The following CCNH variants were observed in gnomAD, a reference collection of about 807,000 sequenced individuals.
The protein encoded by CCNH is cyclin H.
CCNH carries 31 observed loss-of-function variants against 41.9 expected under a neutral mutation model. The ratio of observed to expected loss-of-function variants is 0.74; its 90% CI spans 0.56 to 1.00. The LOEUF is 1.00. Among genes scored for constraint, CCNH ranks in the 50% least tolerant of loss-of-function variants. CCNH has a pLI of 0.00. For synonymous variants in CCNH, 138 were observed against 136.1 expected (o/e 1.01, Z -0.10); for missense variants, 362 against 388.4 (o/e 0.93, Z 0.57).
the CCNH span, among the ~76,000 whole-genome samples, chr5:87,312,912 T>G: frequency 6.6e-6 from 1 of 152,242 alleles, no homozygotes; most frequent in Non-Finnish European, 1.5e-5. Context: ...AATACTTGGT[T>G]CAGGTGTTTA....
chr5:87,408,354 T>C (rs903089802), intron 3 of CCNH, among the ~76,000 whole-genome samples, 168 bp from the exon 4 acceptor site: 4 of 152,246 alleles, frequency 2.6e-5, no homozygotes, highest in African/African-American at 4.8e-5. Context: ...TAAAAGACAC[T>C]TCCTGTTCAC....
intron 8 of CCNH, 83 bp from the exon 9 acceptor site, chr5:87,394,567 T>A (rs12163935): frequency 6.3e-7 from 1 of 1,590,168 alleles, no homozygotes; most frequent in South Asian, 1.2e-5. Context: ...TAAGAAAATG[T>A]TCTCCTCCTT....
chr5:87,312,050 C>G, the CCNH span, among the ~76,000 whole-genome samples: 3 of 152,162 alleles, frequency 2.0e-5, no homozygotes, highest in Non-Finnish European at 4.4e-5. Context: ...GTGTTAATAT[C>G]TGGAAGATCT....
At chr5:87,407,251 T>C (rs1001898500) in intron 4 of CCNH, among the ~76,000 whole-genome samples, 4 of 152,190 alleles carry the variant, frequency 2.6e-5, no homozygotes, top group South Asian at 4.1e-4. Flanking sequence ...CTCTGTATCA[T>C]TGAGCACACT....
At chr5:87,391,651 C>T (rs1762528148), downstream of CCNH, 1 of 232,970 alleles carries the variant, frequency 4.3e-6, no homozygotes, top group Admixed American at 5.6e-5. Context: ...GCATGTTACC[C>T]ATTCAACCAT....
chr5:87,406,800 C>T (rs931778345), intron 4 of CCNH, among the ~76,000 whole-genome samples: 6 of 152,080 alleles, frequency 3.9e-5, no homozygotes, highest in Non-Finnish European at 8.8e-5. Flanking sequence ...TTAACGGTAC[C>T]CTGTTATTGA....
In CCNH at chr5:87,411,338, C is replaced by T. The variant is rs199623645; in HGVS notation, c.126G>A (p.Pro42=). 4.4e-6 allele frequency: 7 copies of T among 1,605,290 alleles called. No homozygotes were observed. The highest frequency in any genetic ancestry group is 2.7e-5 in the African/African-American group (2 of 74,490). ...GAGGCTCAAGAAAGACTGGATCATT[C>T]GGAAGAACCTTTAGATCAACAATTA... The part of the protein sequence containing the change: ...CKAVANGKVL[P]NDPVFLEPHE... Residue 42 remains proline (P), a synonymous_variant, in exon 2 of 9, where the codon CCG becomes CCA. Coordinates refer to ENST00000256897, the MANE Select transcript of CCNH (RefSeq NM_001239.4).
upstream of CCNH, among the ~76,000 whole-genome samples, chr5:87,381,374 C>T (rs1246438571): frequency 6.6e-6 from 1 of 152,146 alleles, no homozygotes; most frequent in African/African-American, 2.4e-5. Flanking sequence ...AATACCCCAA[C>T]TAATTCCAGG....
At chr5:87,394,955 G>T (rs751415603) in intron 8 of CCNH, 89 bp downstream of exon 8, 211 of 1,597,824 alleles carry the variant, frequency 1.3e-4, no homozygotes, top group Non-Finnish European at 1.7e-4. Flanking sequence ...TATAATGCCT[G>T]TACTCTTGGA....
chr5:87,362,502 A>C, intron 9 of CCNH: 1 of 1,542,352 alleles, frequency 6.5e-7, no homozygotes, highest in Admixed American at 1.7e-5. Context: ...TTTTTACTTC[A>C]TTTCCATCAA....
intron 7 of CCNH, among the ~76,000 whole-genome samples, chr5:87,399,039 A>G (rs1479459746): frequency 6.6e-6 from 1 of 152,176 alleles, no homozygotes; most frequent in African/African-American, 2.4e-5. Context: ...CTGGAAGAGC[A>G]TATTTGTTCC....
chr5:87,372,780 A>G (rs952836382), downstream of CCNH, among the ~76,000 whole-genome samples: 6 of 152,092 alleles, frequency 3.9e-5, no homozygotes, highest in African/African-American at 1.4e-4. Context: ...AAGTTAGGCA[A>G]ATTTTGACAT....
At chr5:87,349,091 A>AC in intron 9 of CCNH, 2 of 1,221,932 alleles carry the variant, frequency 1.6e-6, no homozygotes, top group Non-Finnish European at 2.3e-6. Context: ...TAAAAAAAAA[A>AC]CAAGTTCCTG....
At chr5:87,385,275 A>G in intron 9 of CCNH, 2 of 1,477,620 alleles carry the variant, frequency 1.4e-6, no homozygotes, top group Non-Finnish European at 1.9e-6. Context: ...ACTTGGTGTC[A>G]TTAGCTGTGC....
At chr5:87,362,472 T>G in intron 9 of CCNH, 1 of 1,440,494 alleles carries the variant, frequency 6.9e-7, no homozygotes, top group Non-Finnish European at 9.6e-7. Context: ...GCTTTGGCTT[T>G]TAATTGGTAC....
chr5:87,410,168 A>G (rs1158194125), intron 2 of CCNH, among the ~76,000 whole-genome samples: 1 of 152,218 alleles, frequency 6.6e-6, no homozygotes, highest in Admixed American at 6.5e-5. Context: ...CCTTTTAAGT[A>G]TTTTAAAAGT....
Position 87,411,327 on chromosome 5 carries a change from A to C in CCNH, c.137T>G (p.Val46Gly), listed in dbSNP as rs1764220829. 6.2e-7 allele frequency: 1 copy of C among 1,610,224 alleles called. No homozygotes were observed. Among genetic ancestry groups the C allele is most frequent in the African/African-American group, 1.3e-5 (1 of 74,758 alleles). Reference protein sequence around the residue: ...ANGKVLPNDPVFLEPHEEMTL... With the variant: ...ANGKVLPNDPGFLEPHEEMTL... ...CATTTCTTCATGAGGCTCAAGAAAG[A>C]CTGGATCATTCGGAAGAACCTTTAG... is the stretch of plus-strand genomic sequence containing the variant. The change falls in exon 2 of 9, where the codon GTC becomes GGC. Residue 46 changes from valine to glycine, a missense_variant. Physicochemically the swap from Val to Gly is moderately radical, Grantham distance 109. Coordinates refer to ENST00000256897, the MANE Select transcript of CCNH (RefSeq NM_001239.4).
chr5:87,374,585 A>G (rs1268289488), downstream of CCNH, among the ~76,000 whole-genome samples: 6 of 151,820 alleles, frequency 4.0e-5, no homozygotes, highest in Non-Finnish European at 8.8e-5. Context: ...CAAATACAAA[A>G]CATTTACTAG....
chr5:87,373,719 T>TA (rs1210998384), downstream of CCNH, among the ~76,000 whole-genome samples: 1 of 152,186 alleles, frequency 6.6e-6, no homozygotes, highest in Non-Finnish European at 1.5e-5. Context: ...GTCAGTGTTT[T>TA]AAAAATTTTT....
Sources: gnomAD v4.1 joint callset for allele counts (sites outside exome capture counted in the v4.1 genomes callset) on GRCh38, gnomAD v4.1.1 for gene constraint, MANE v1.5 for transcripts, NCBI Gene and HGNC (gene_info 2026-07-23, HGNC 2026-07-21) for gene names.